Variants in SHISA6 observed in about 807,000 individuals in gnomAD.
The protein encoded by SHISA6 is protein shisa-6.
A neutral mutation model predicts 47.9 loss-of-function variants in SHISA6; 22 were observed. The observed-to-expected ratio is 0.46, with a 90% CI of 0.33 to 0.66. The LOEUF (loss-of-function observed/expected upper bound fraction) is 0.66. SHISA6 is among the 30% of genes least tolerant of loss of function. The pLI, the probability that SHISA6 is intolerant of heterozygous loss-of-function variation, is 0.02. For missense variants in SHISA6, 680 were observed against 764.6 expected (o/e 0.89, Z 1.30); for synonymous variants, 388 against 337.8 (o/e 1.15, Z -1.63).
At chr17:11,429,207 T>C (rs766375304) in intron 3 of SHISA6, among the ~76,000 whole-genome samples, 1 of 152,114 alleles carries the variant, frequency 6.6e-6, no homozygotes, top group Non-Finnish European at 1.5e-5. Flanking sequence ...CCTCAGTTCC[T>C]TGCCACATGG....
At chr17:11,304,839 C>T (rs1910051642) in intron 2 of SHISA6, among the ~76,000 whole-genome samples, 1 of 152,106 alleles carries the variant, frequency 6.6e-6, no homozygotes, top group Non-Finnish European at 1.5e-5. Context: ...AGGCAGGTCT[C>T]ACTGCGCTTG....
chr17:11,350,815 T>G (rs1911865299), intron 2 of SHISA6, among the ~76,000 whole-genome samples: 1 of 152,190 alleles, frequency 6.6e-6, no homozygotes, highest in African/African-American at 2.4e-5. Flanking sequence ...TGGCATAAAA[T>G]CATTCTACTA....
intron 2 of SHISA6, among the ~76,000 whole-genome samples, chr17:11,349,245 C>A (rs1227882297): frequency 6.6e-6 from 1 of 152,152 alleles, no homozygotes; most frequent in African/African-American, 2.4e-5. Context: ...GGATCCACAA[C>A]AAAAGAGGGC....
intron 3 of SHISA6, among the ~76,000 whole-genome samples, chr17:11,384,255 G>A (rs111604698): frequency 6.6e-6 from 1 of 152,234 alleles, no homozygotes; most frequent in African/African-American, 2.4e-5. Context: ...AGCAGCTGAG[G>A]TGGTGGATGG....
chr17:11,360,867 G>T (rs1449443874), intron 2 of SHISA6, among the ~76,000 whole-genome samples: 2 of 151,184 alleles, frequency 1.3e-5, no homozygotes, highest in Admixed American at 6.6e-5. Context: ...TTCCAAAAGG[G>T]TATATGGGGT....
chr17:11,277,561 C>A (rs770416433), intron 2 of SHISA6, among the ~76,000 whole-genome samples: 6 of 152,068 alleles, frequency 3.9e-5, no homozygotes, highest in Non-Finnish European at 7.4e-5. Flanking sequence ...AGAATGAATG[C>A]CCTTATTTAA....
intron 1 of SHISA6, among the ~76,000 whole-genome samples, chr17:11,258,365 G>T (rs564698000): frequency 6.6e-6 from 1 of 152,322 alleles, no homozygotes; most frequent in Admixed American, 6.5e-5. Flanking sequence ...CACCACTTCA[G>T]TGAGCAGCAG....
intron 1 of SHISA6, among the ~76,000 whole-genome samples, chr17:11,256,991 G>A (rs549086495): frequency 7.2e-5 from 11 of 152,264 alleles, no homozygotes; most frequent in African/African-American, 2.2e-4. Context: ...TGAGTCCTGC[G>A]ACGTTTATTG....
intron 2 of SHISA6, among the ~76,000 whole-genome samples, chr17:11,366,931 A>G (rs543583208): frequency 2.0e-5 from 3 of 152,342 alleles, no homozygotes; most frequent in African/African-American, 7.2e-5. Context: ...TTTGGCAGAT[A>G]TAATCAAATT....
chr17:11,434,172 T>G (rs145727567), intron 3 of SHISA6, among the ~76,000 whole-genome samples: 2 of 151,850 alleles, frequency 1.3e-5, no homozygotes, highest in East Asian at 3.9e-4. Context: ...CAAGTGATTC[T>G]CCCACCTCAG....
chr17:11,472,428 G>C (rs1315034592), intron 3 of SHISA6, among the ~76,000 whole-genome samples: 1 of 152,080 alleles, frequency 6.6e-6, no homozygotes, highest in Non-Finnish European at 1.5e-5. Flanking sequence ...GGAACCCTTG[G>C]CCTCAAGTGA....
intron 3 of SHISA6, among the ~76,000 whole-genome samples, chr17:11,488,538 A>T (rs2142336123): frequency 6.6e-6 from 1 of 152,322 alleles, no homozygotes; most frequent in Non-Finnish European, 1.5e-5. Context: ...GCCTCGTTTT[A>T]CTACAAATGC....
chr17:11,488,009 A>G (rs888139), intron 3 of SHISA6, among the ~76,000 whole-genome samples: 67,540 of 152,088 alleles, frequency 0.44, 16,275 homozygotes, highest in African/African-American at 0.65. Context: ...CTGGGTTTTT[A>G]TTGTGTCGGA....
At chr17:11,537,091 T>C (rs185842052) in intron 3 of SHISA6, among the ~76,000 whole-genome samples, 9 of 152,154 alleles carry the variant, frequency 5.9e-5, no homozygotes, top group Middle Eastern at 3.4e-3. Context: ...ACCAATGTGA[T>C]GCCACTTTTT....
intron 2 of SHISA6, chr17:11,290,351 T>G (rs80039207): frequency 7.6e-4 from 59 of 78,078 alleles, no homozygotes; most frequent in African/African-American, 2.4e-3. Flanking sequence ...AATATTTTCT[T>G]TCTTTTTTTT....
At chr17:11,269,710 G>A (rs538886178) in intron 2 of SHISA6, among the ~76,000 whole-genome samples, 1 of 152,158 alleles carries the variant, frequency 6.6e-6, no homozygotes, top group African/African-American at 2.4e-5. Flanking sequence ...AGGAGTCTGA[G>A]ATGATAGCCT....
In SHISA6 at chr17:11,320,459, A is replaced by C. The variant is rs1234578457; in HGVS notation, c.799+56933A>C. ...TGGATCATGAGGTCAGGAGTTCAAG[A>C]CCAGCCTGGCTAACATGGTGAAATC... On this transcript the variant is annotated intron_variant, in intron 2 of 5. Transcript: ENST00000441885. Among the ~76,000 whole-genome samples, 4 of 152,098 alleles carry C rather than the reference A, an allele frequency of 2.6e-5. No homozygotes were observed. The East Asian group carries it at 7.7e-4, about 29-fold the overall frequency.
intron 2 of SHISA6, among the ~76,000 whole-genome samples, chr17:11,285,523 A>G (rs1230251142): frequency 6.6e-6 from 1 of 152,212 alleles, no homozygotes; most frequent in African/African-American, 2.4e-5. Flanking sequence ...TTAAAAAATG[A>G]ATCCTACTGA....
intron 3 of SHISA6, among the ~76,000 whole-genome samples, chr17:11,520,460 T>C (rs2071620318): frequency 6.6e-6 from 1 of 152,196 alleles, no homozygotes. Flanking sequence ...TTCCTTAGAC[T>C]GTTAGAGAAG....
Sources: allele counts gnomAD v4.1 joint callset (sites outside exome capture counted in the v4.1 genomes callset), GRCh38; gene constraint gnomAD v4.1.1; transcripts MANE v1.5; gene names NCBI Gene and HGNC (gene_info 2026-07-23, HGNC 2026-07-21).